MIA2: variants seen among roughly 807,000 people sequenced by gnomAD.
MIA2 encodes the protein MIA SH3 domain ER export factor 2.
Under a neutral mutation model 167.8 loss-of-function variants are expected in MIA2, and 127 were observed. The ratio of observed to expected loss-of-function variants is 0.76; its 90% CI spans 0.66 to 0.88. The LOEUF (loss-of-function observed/expected upper bound fraction) is 0.88. MIA2 is among the 40% of genes least tolerant of loss of function. The pLI is 0.00. For synonymous variants in MIA2, 552 were observed against 541.9 expected, an observed-to-expected ratio of 1.02 and a Z score of -0.26; for missense variants, 1,690 against 1,624.7, an observed-to-expected ratio of 1.04 and a Z score of -0.69.
chr14:39,247,605 C>A lies in MIA2; in HGVS notation c.1031C>A (p.Ser344Tyr). 1.2e-6 allele frequency: 2 copies of A among 1,613,930 alleles called. No homozygotes were observed. The highest frequency in any genetic ancestry group is 1.1e-5 in the South Asian group (1 of 91,018). Residue 344 changes from serine to tyrosine, a missense_variant, in exon 4 of 29, where the codon TCC becomes TAC. Physicochemically the swap from Ser to Tyr is moderately radical, Grantham distance 144. Transcript: ENST00000640607. ...CCACCACTACAAGATTTTCCCAATT[C>A]CATATCATCTGATAAAGAAGCCACA... is the stretch of plus-strand genomic sequence containing the variant. ...SNPPLQDFPNSISSDKEATVP... is the reference protein window; with the variant it reads ...SNPPLQDFPNYISSDKEATVP...
rs564566034 is a variant in MIA2, at chr14:39,347,112, G to A, written c.3779-601G>A. On this transcript the variant is annotated intron_variant, in intron 26 of 28. Coordinates refer to ENST00000640607, the MANE Select transcript of MIA2 (RefSeq NM_001329214.4). ...ACAAGGACATTTATAACTGGCTGAA[G>A]TCATGGACTTTGGAGTCTAGTTAGT... is the stretch of plus-strand genomic sequence containing the variant. Among the ~76,000 whole-genome samples the A allele has an allele frequency of 2.6e-5, 4 of 152,154 alleles. No individual in the cohort carries two copies. In the South Asian group the frequency reaches 8.3e-4, roughly 32 times the overall value.
chr14:39,282,057 T>C (rs1039166899), intron 9 of MIA2, among the ~76,000 whole-genome samples: 1 of 152,228 alleles, frequency 6.6e-6, no homozygotes, highest in Non-Finnish European at 1.5e-5. Context: ...TCATTTTTTC[T>C]CTTGTTTCTC....
chr14:39,305,286 T>G (rs1398472719), intron 17 of MIA2, among the ~76,000 whole-genome samples: 1 of 152,206 alleles, frequency 6.6e-6, no homozygotes, highest in Non-Finnish European at 1.5e-5. Context: ...AGCATTGTAC[T>G]AAAAACTATG....
chr14:39,241,711 T>A (rs1019250099), intron 3 of MIA2, among the ~76,000 whole-genome samples: 1 of 152,228 alleles, frequency 6.6e-6, no homozygotes, highest in Non-Finnish European at 1.5e-5. Flanking sequence ...CAGTAATGAA[T>A]CTTGTAAAAA....
chr14:39,295,829 A>T (rs558911683), intron 13 of MIA2, among the ~76,000 whole-genome samples: 1 of 152,290 alleles, frequency 6.6e-6, no homozygotes, highest in Non-Finnish European at 1.5e-5. Context: ...AAGTGTTGGG[A>T]TTACAGGCGT....
chr14:39,312,699 T>C (rs1180264839), intron 18 of MIA2, among the ~76,000 whole-genome samples: 1 of 20,024 alleles, frequency 5.0e-5, no homozygotes, highest in African/African-American at 2.8e-4. Context: ...TTTTGTAAGA[T>C]GGGATAACAG....
Position 39,293,333 on chromosome 14 carries a change from A to G in MIA2, c.2271A>G (p.Glu757=). The G allele has an allele frequency of 1.2e-6, 2 of 1,611,300 alleles. No individual in the cohort carries two copies. The highest frequency in any genetic ancestry group is 1.7e-6 in the Non-Finnish European group (2 of 1,178,140). ...TTGAGGATGAAATACTCTGTCTAGA[A>G]AAAGAGTTAAAAGAAGAGAAATCCA... ...SELEDEILCL[E]KELKEEKSKH... is the part of the protein sequence containing the mutation. The change falls in exon 11 of 29, where the codon GAA becomes GAG. Residue 757 remains glutamate (E), a synonymous_variant. Coordinates refer to ENST00000640607, the MANE Select transcript of MIA2 (RefSeq NM_001329214.4).
chr14:39,346,414 T>C (rs2073259929), intron 26 of MIA2, among the ~76,000 whole-genome samples: 1 of 152,098 alleles, frequency 6.6e-6, no homozygotes, highest in African/African-American at 2.4e-5. Flanking sequence ...CATGCTCTGT[T>C]GATATTGTAA....
Position 39,291,016 on chromosome 14 carries a change from C to G in MIA2, c.2131-3C>G, listed in dbSNP as rs1181724669. On this transcript the variant is annotated splice_region_variant and splice_polypyrimidine_tract_variant and intron_variant, in intron 9 of 28. Coordinates refer to ENST00000640607, the MANE Select transcript of MIA2 (RefSeq NM_001329214.4). ...TTTTACTTGTGATGTTGCTTTGTTT[C>G]AGTATGAAGGCTATGAAGTAGAGTC... 1 of 1,601,372 alleles carries G rather than the reference C, an allele frequency of 6.2e-7. No homozygotes were observed. The highest frequency in any genetic ancestry group is 1.3e-5 in the African/African-American group (1 of 74,114).
chr14:39,375,198 C>T (rs1567058907), intron 23 of MIA2, among the ~76,000 whole-genome samples: 1 of 152,192 alleles, frequency 6.6e-6, no homozygotes, highest in African/African-American at 2.4e-5. Flanking sequence ...GCTATTCCTT[C>T]AATTCTAAGG....
intron 7 of MIA2, among the ~76,000 whole-genome samples, chr14:39,277,418 C>T (rs1460925068): frequency 6.6e-6 from 1 of 151,516 alleles, no homozygotes; most frequent in Non-Finnish European, 1.5e-5. Flanking sequence ...CCTGGCTACT[C>T]AGGAGGCTGA....
intron 25 of MIA2, among the ~76,000 whole-genome samples, chr14:39,342,277 T>C (rs2072092060): frequency 6.6e-6 from 1 of 151,836 alleles, no homozygotes; most frequent in Admixed American, 6.6e-5. Context: ...TTTTTTGTCC[T>C]TGCGATAGTT....
At chr14:39,265,576 G>T (rs1223857672) in intron 6 of MIA2, 2 of 583,392 alleles carry the variant, frequency 3.4e-6, no homozygotes, top group Non-Finnish European at 5.8e-6. Context: ...AATATTTGGA[G>T]TGGTAATTAC....
At chr14:39,317,490 C>G (rs1396283112) in intron 21 of MIA2, among the ~76,000 whole-genome samples, 6 of 152,280 alleles carry the variant, frequency 3.9e-5, no homozygotes, top group South Asian at 4.1e-4. Flanking sequence ...CCATGAGGCT[C>G]TGAACGTTTG....
At chr14:39,289,549 C>G (rs141464983) in intron 9 of MIA2, among the ~76,000 whole-genome samples, 3 of 152,180 alleles carry the variant, frequency 2.0e-5, no homozygotes, top group Admixed American at 6.6e-5. Flanking sequence ...CATTAATTTC[C>G]TTTTGCTGCT....
At chr14:39,235,773 G>A (rs2053708742) in intron 1 of MIA2, among the ~76,000 whole-genome samples, 1 of 151,524 alleles carries the variant, frequency 6.6e-6, no homozygotes, top group Non-Finnish European at 1.5e-5. Flanking sequence ...ACAAGACCCT[G>A]CCTCAAAAAA....
At position 39,288,457 on chromosome 14, in the gene MIA2, A is replaced by ATTTT. The variant is rs1566747630; in HGVS notation, c.2131-2561_2131-2560insTTTT. Among the ~76,000 whole-genome samples the ATTTT allele has an allele frequency of 1.8e-4, 3 of 16,586 alleles. 1 individual carries two copies. The highest frequency in any genetic ancestry group is 4.4e-4 in the African/African-American group (3 of 6,750). The allele number at this position is 16,586 out of a possible 152,430, so 10.9% of individuals were successfully genotyped here. A position where few individuals can be genotyped will look rare whatever the true frequency, so the allele number is the denominator to read the frequency against. On this transcript the variant is annotated intron_variant, in intron 9 of 28. Transcript: ENST00000640607. ...CATATATATATATATATATATATAT[A>ATTTT]TATATATATATATATATATTTTTTT...
At chr14:39,346,587 T>C (rs1273272289) in intron 26 of MIA2, among the ~76,000 whole-genome samples, 4 of 151,308 alleles carry the variant, frequency 2.6e-5, no homozygotes, top group African/African-American at 9.7e-5. Context: ...GTTAAGAAAA[T>C]AAAAATTTTT....
chr14:39,262,993 T>G (rs562413471), intron 6 of MIA2, among the ~76,000 whole-genome samples: 70 of 152,346 alleles, frequency 4.6e-4, no homozygotes, highest in Non-Finnish European at 7.6e-4. Context: ...TTTTCCTAAC[T>G]GAATACCCTT....
Sources: allele counts gnomAD v4.1 joint callset (sites outside exome capture counted in the v4.1 genomes callset), GRCh38; gene constraint gnomAD v4.1.1; transcripts MANE v1.5; gene names NCBI Gene and HGNC (gene_info 2026-07-23, HGNC 2026-07-21).